MTX2: variants seen among roughly 807,000 people sequenced by gnomAD.
MTX2 encodes the protein metaxin-2.
A neutral mutation model predicts 42.3 loss-of-function variants in MTX2; 35 were observed. The observed-to-expected ratio is 0.83, with a 90% CI of 0.63 to 1.10. The LOEUF (loss-of-function observed/expected upper bound fraction) is 1.10, where lower values mean the gene tolerates loss of function less well. MTX2 is among the 50% of genes least tolerant of loss of function. MTX2 has a pLI of 0.00. For missense variants in MTX2, 307 were observed against 304.1 expected (o/e 1.01, Z -0.07); for synonymous variants, 119 against 100.9 (o/e 1.18, Z -1.08).
intron 1 of MTX2, among the ~76,000 whole-genome samples, chr2:176,282,131 T>A (rs995856425): frequency 7.4e-6 from 1 of 134,514 alleles, no homozygotes; most frequent in African/African-American, 2.8e-5. Flanking sequence ...CAGTAGTTTT[T>A]TTTTTTTTTT....
intron 5 of MTX2, among the ~76,000 whole-genome samples, chr2:176,327,564 T>C (rs1202861970): frequency 7.1e-6 from 1 of 141,638 alleles, no homozygotes; most frequent in African/African-American, 2.5e-5. Flanking sequence ...CTCCAAAATA[T>C]ATATATATAT....
chr2:176,330,826 A>G (rs941251947), intron 9 of MTX2, among the ~76,000 whole-genome samples, 166 bp downstream of exon 9: 2 of 151,268 alleles, frequency 1.3e-5, no homozygotes, highest in African/African-American at 2.4e-5. Flanking sequence ...GCTAGGCTCT[A>G]GGAGACTAAG....
rs1684798467 is a variant in MTX2 at position 176,329,338 on chromosome 2, C to T, written c.455C>T (p.Pro152Leu). ...AGGTATGGATCTCCTTACCCTTGGC[C>T]TCTGAATCATATTTTGGCCTATCAA... ...HARYGSPYPW[P>L]LNHILAYQKQ... The change falls in exon 8 of 10, where the codon CCT (proline) becomes CTT (leucine). Residue 152 changes from proline (P) to leucine (L), a missense_variant. Coordinates refer to ENST00000249442, the MANE Select transcript of MTX2 (RefSeq NM_006554.5). 1 of 1,607,674 alleles carries T rather than the reference C, an allele frequency of 6.2e-7. No individual in the cohort carries two copies. Among genetic ancestry groups the T allele is most frequent in the Non-Finnish European group, 8.5e-7 (1 of 1,175,668 alleles).
intron 1 of MTX2, among the ~76,000 whole-genome samples, chr2:176,273,997 TCCTTGCC>T (rs1553470604): frequency 6.6e-6 from 1 of 152,142 alleles, no homozygotes; most frequent in Non-Finnish European, 1.5e-5. Flanking sequence ...GTCACTTCTT[TCCTTGCC>T]CCTTGCCTGA....
chr2:176,274,190 A>G (rs891376738), intron 1 of MTX2, among the ~76,000 whole-genome samples: 10 of 152,190 alleles, frequency 6.6e-5, no homozygotes, highest in Non-Finnish European at 1.5e-4. Context: ...AAATGAAAAC[A>G]ATCCAGAGAT....
intron 1 of MTX2, among the ~76,000 whole-genome samples, chr2:176,292,345 TTTA>T (rs1693348167): frequency 6.6e-6 from 1 of 152,200 alleles, no homozygotes. Context: ...ATAAAAATGT[TTTA>T]TTGTTGTTTT....
intron 1 of MTX2, among the ~76,000 whole-genome samples, chr2:176,290,485 T>C (rs1192378909): frequency 2.0e-5 from 3 of 152,166 alleles, no homozygotes; most frequent in African/African-American, 7.2e-5. Flanking sequence ...ATGAGATGTA[T>C]GTAGGAGCAA....
intron 3 of MTX2, among the ~76,000 whole-genome samples, chr2:176,312,863 C>CAAAAA (rs557475003): frequency 7.9e-4 from 44 of 55,662 alleles, no homozygotes; most frequent in African/African-American, 1.5e-3. Flanking sequence ...AATGCCATCT[C>CAAAAA]AAAAAAAAAA....
In MTX2 at chr2:176,320,212, C is replaced by T. The variant is rs145308673; in HGVS notation, c.136-3180C>T. Among the ~76,000 whole-genome samples the T allele has an allele frequency of 3.1e-3, 471 of 151,950 alleles. 2 individuals are homozygous for T. Among genetic ancestry groups the T allele is most frequent in the African/African-American group, 0.011 (442 of 41,440 alleles). On this transcript the variant is annotated intron_variant, in intron 3 of 9. Transcript: ENST00000249442. ...GCATTGAGCTGAGATTGTGCCACTG[C>T]ACTCCAGCCTGGGCGACAGAGTGAA...
intron 3 of MTX2, among the ~76,000 whole-genome samples, chr2:176,311,762 CA>C (rs2105428526): frequency 6.6e-6 from 1 of 152,338 alleles, no homozygotes; most frequent in South Asian, 2.1e-4. Context: ...ATGGGAAGAG[CA>C]CAGTATTTGG....
intron 1 of MTX2, among the ~76,000 whole-genome samples, chr2:176,276,587 A>G (rs562795350): frequency 1.3e-5 from 2 of 152,160 alleles, no homozygotes; most frequent in South Asian, 4.2e-4. Flanking sequence ...TAATATATTT[A>G]TAATGTATGT....
chr2:176,331,510 A>G (rs1412333589), intron 9 of MTX2, among the ~76,000 whole-genome samples: 1 of 151,194 alleles, frequency 6.6e-6, no homozygotes, highest in Admixed American at 6.6e-5. Flanking sequence ...TATCAAACAT[A>G]TTTGGGTAAA....
intron 9 of MTX2, among the ~76,000 whole-genome samples, chr2:176,333,703 G>A (rs1684913645): frequency 6.6e-6 from 1 of 151,576 alleles, no homozygotes; most frequent in Admixed American, 6.6e-5. Context: ...ATGGTCCCTT[G>A]AGATTGTAAT....
intron 3 of MTX2, among the ~76,000 whole-genome samples, chr2:176,314,695 T>G (rs1380703877): frequency 6.6e-6 from 1 of 152,138 alleles, no homozygotes; most frequent in Non-Finnish European, 1.5e-5. Flanking sequence ...TCCTGAAGAT[T>G]GGGCCATAAT....
chr2:176,337,550 A>T lies in MTX2; in HGVS notation c.678A>T (p.Gln226His). 6.2e-7 allele frequency: 1 copy of T among 1,613,396 alleles called. No individual in the cohort carries two copies. The highest frequency in any genetic ancestry group is 8.5e-7 in the Non-Finnish European group (1 of 1,179,512). Residue 226 changes from glutamine (Q) to histidine (H), a missense_variant, in exon 10 of 10, where the codon CAA becomes CAT. Transcript: ENST00000249442. ...ATCTATACACCATTCTTACCACACA[A>T]TTGACAAATGATGAACTTTCTGAGA... Reference protein sequence around the residue: ...FGHLYTILTTQLTNDELSEKV... With the variant: ...FGHLYTILTTHLTNDELSEKV...
chr2:176,288,051 C>G (rs1693247752), intron 1 of MTX2, among the ~76,000 whole-genome samples: 1 of 152,162 alleles, frequency 6.6e-6, no homozygotes, highest in Non-Finnish European at 1.5e-5. Flanking sequence ...AGAGTCACTT[C>G]TGCTTACACA....
At chr2:176,270,242 C>T (rs1692771894) in intron 1 of MTX2, 5 of 623,310 alleles carry the variant, frequency 8.0e-6, no homozygotes, top group South Asian at 3.9e-5. Context: ...ACAACCTGGG[C>T]TCACTGCAAC....
chr2:176,304,587 A>G (rs1361881872), intron 3 of MTX2, among the ~76,000 whole-genome samples: 1 of 151,928 alleles, frequency 6.6e-6, no homozygotes, highest in Non-Finnish European at 1.5e-5. Context: ...TTATAGATAG[A>G]TTTGTTCATG....
At chr2:176,332,066 A>G (rs1422590700) in intron 9 of MTX2, among the ~76,000 whole-genome samples, 1 of 151,216 alleles carries the variant, frequency 6.6e-6, no homozygotes, top group African/African-American at 2.4e-5. Context: ...GAAAACTTCT[A>G]ACTTAGAACA....
Sources: gnomAD v4.1 joint callset for allele counts (sites outside exome capture counted in the v4.1 genomes callset) on GRCh38, gnomAD v4.1.1 for gene constraint, MANE v1.5 for transcripts, NCBI Gene and HGNC (gene_info 2026-07-23, HGNC 2026-07-21) for gene names.